The following ANO5 variants were observed in gnomAD, a reference collection of about 807,000 sequenced individuals.
The protein encoded by ANO5 is anoctamin 5.
In ANO5, 109 loss-of-function variants were observed where a neutral mutation model predicts 121.0. That is an observed-to-expected ratio of 0.90 (90% CI 0.77 to 1.06). The LOEUF is 1.06. Among genes scored for constraint, ANO5 ranks in the 50% least tolerant of loss-of-function variants. ANO5 has a pLI of 0.00. For synonymous variants in ANO5, 406 were observed against 359.9 expected (o/e 1.13, Z -1.45); for missense variants, 1,064 against 1,078.5 (o/e 0.99, Z 0.19).
chr11:22,250,750 CT>C lies in ANO5; in HGVS notation c.1024del (p.Cys342ValfsTer9). 2 of 1,613,992 alleles carry C rather than the reference CT, an allele frequency of 1.2e-6. No individual in the cohort carries two copies. The highest frequency in any genetic ancestry group is 1.7e-6 in the Non-Finnish European group (2 of 1,179,894). On this transcript the variant is annotated frameshift_variant, in exon 11 of 22. Transcript: ENST00000324559. LOFTEE classifies it high-confidence loss of function. ...MEHNTSSTEI[C>X]DPEIGGQMIM... ...GCTGTTCCTCTTGCAGCACTGAAAT[CT>C]GTGACCCTGAGATTGGTGGTCAGAT...
chr11:22,195,503 A>G (rs1851782495), intron 1 of ANO5, among the ~76,000 whole-genome samples: 1 of 151,910 alleles, frequency 6.6e-6, no homozygotes, highest in Non-Finnish European at 1.5e-5. Context: ...ATCTCTGCTT[A>G]CTGAAACCTC....
At chr11:22,277,311 T>C (rs1246036564) in intron 21 of ANO5, among the ~76,000 whole-genome samples, 1 of 151,618 alleles carries the variant, frequency 6.6e-6, no homozygotes, top group Non-Finnish European at 1.5e-5. Context: ...ATTTTGATAA[T>C]TTATTTAGCA....
At chr11:22,260,087 G>A (rs948148356) in intron 15 of ANO5, among the ~76,000 whole-genome samples, 1 of 152,006 alleles carries the variant, frequency 6.6e-6, no homozygotes, top group African/African-American at 2.4e-5. Flanking sequence ...TCATGTGTAT[G>A]GTTCTTATAA....
intron 3 of ANO5, 92 bp from the exon 4 acceptor site, chr11:22,218,154 A>G (rs530993918): frequency 3.4e-6 from 3 of 882,952 alleles, no homozygotes; most frequent in East Asian, 3.0e-5. Context: ...TAAAATGATC[A>G]TACCAAGGGT....
At chr11:22,202,245 G>GATTGGTTTGA (rs1851987993) in intron 1 of ANO5, among the ~76,000 whole-genome samples, 2 of 152,142 alleles carry the variant, frequency 1.3e-5, no homozygotes, top group South Asian at 4.1e-4. Flanking sequence ...TTTAACCAAT[G>GATTGGTTTGA]TACAGATCAA....
At chr11:22,272,416 G>A (rs1854654782) in intron 18 of ANO5, among the ~76,000 whole-genome samples, 2 of 151,424 alleles carry the variant, frequency 1.3e-5, no homozygotes, top group Non-Finnish European at 1.5e-5. Context: ...GGGCTAGCAA[G>A]ATAGAAAAAC....
intron 20 of ANO5, among the ~76,000 whole-genome samples, chr11:22,275,716 C>T (rs1037574579): frequency 6.6e-6 from 1 of 151,656 alleles, no homozygotes; most frequent in Non-Finnish European, 1.5e-5. Context: ...TTTTGAAAGT[C>T]AAATCAAAGG....
chr11:22,262,374 G>A, intron 16 of ANO5, 76 bp downstream of exon 16: 2 of 1,494,810 alleles, frequency 1.3e-6, no homozygotes, highest in South Asian at 1.2e-5. Flanking sequence ...GTCAAGCACT[G>A]ATTCACATGC....
chr11:22,259,793 C>T lies in ANO5; in HGVS notation c.1630+52C>T, dbSNP rs551892951. On this transcript the variant is annotated intron_variant, in intron 15 of 21. Coordinates refer to ENST00000324559, the MANE Select transcript of ANO5 (RefSeq NM_213599.3). ...TTCTGAAGAATGATTCTTATTGATG[C>T]TATATGTCTATTTTGGATCAGGTCT... 64 of 1,512,772 alleles carry T rather than the reference C, an allele frequency of 4.2e-5. 2 individuals are homozygous for T. The South Asian group carries it at 7.1e-4, about 17-fold the overall frequency. 93.7% of individuals were successfully genotyped at this position (1,512,772 alleles called of 1,614,324 possible).
intron 3 of ANO5, among the ~76,000 whole-genome samples, chr11:22,212,744 T>C (rs1852320707): frequency 6.6e-6 from 1 of 151,850 alleles, no homozygotes; most frequent in Non-Finnish European, 1.5e-5. Context: ...CATCTTTTTC[T>C]ACATTGAGTG....
In ANO5 at chr11:22,272,966, G is replaced by A; in HGVS notation, c.2212G>A (p.Ala738Thr). Residue 738 changes from alanine (A) to threonine (T), a missense_variant, in exon 19 of 22, where the codon GCT becomes ACT. Coordinates refer to ENST00000324559, the MANE Select transcript of ANO5 (RefSeq NM_213599.3). The stretch of plus-strand genomic sequence containing the variant: ...TTGGCAAGACATTCTTTATGGAATG[G>A]CTGTCCTTTCTGTTGCAACTAATGT... ...GVWQDILYGM[A>T]VLSVATNAFI... 6.2e-7 allele frequency: 1 copy of A among 1,614,010 alleles called. No individual in the cohort carries two copies. The highest frequency in any genetic ancestry group is 8.5e-7 in the Non-Finnish European group (1 of 1,180,000).
chr11:22,270,528 T>G (rs1564949555), intron 18 of ANO5, 86 bp downstream of exon 18: 2 of 1,571,228 alleles, frequency 1.3e-6, no homozygotes, highest in Non-Finnish European at 1.7e-6. Flanking sequence ...GCCTTGCACA[T>G]GGTAGGTGTT....
intron 9 of ANO5, among the ~76,000 whole-genome samples, chr11:22,244,871 T>G (rs978038687): frequency 3.9e-5 from 6 of 152,162 alleles, no homozygotes; most frequent in Non-Finnish European, 8.8e-5. Flanking sequence ...TGTATGTCTG[T>G]CATTTCTGTT....
In ANO5 at chr11:22,273,008, G is replaced by T. The variant is rs748552936; in HGVS notation, c.2235+19G>T. 6.2e-7 allele frequency: 1 copy of T among 1,607,878 alleles called. No individual in the cohort carries two copies. The highest frequency in any genetic ancestry group is 8.5e-7 in the Non-Finnish European group (1 of 1,174,526). On this transcript the variant is annotated intron_variant, in intron 19 of 21. Transcript: ENST00000324559. ...AACTAATGTAAGTGGACCTATTTCG[G>T]TGGGGTGACTTTGTATTTCATTTTG...
At chr11:22,226,797 A>G (rs931666321) in intron 6 of ANO5, among the ~76,000 whole-genome samples, 1 of 152,100 alleles carries the variant, frequency 6.6e-6, no homozygotes, top group Non-Finnish European at 1.5e-5. Flanking sequence ...CACAATCCAT[A>G]ATTTCTCCTA....
At chr11:22,245,460 A>G (rs1185902260) in intron 9 of ANO5, among the ~76,000 whole-genome samples, 2 of 149,266 alleles carry the variant, frequency 1.3e-5, no homozygotes, top group Non-Finnish European at 3.0e-5. Context: ...ATATCTTTCC[A>G]CTCTTCTCTA....
rs1855112026 is a variant in ANO5, at chr11:22,282,316, GCA to G, written c.*2556_*2557del. Reference sequence around the variant, plus strand: ...TCCTTGCCTTCGTCAACTTTCCTTTGCACACAGGAAGCAAAATCTACTTCAAG... The same window carrying G: ...TCCTTGCCTTCGTCAACTTTCCTTTGCACAGGAAGCAAAATCTACTTCAAG... On this transcript the variant is annotated 3_prime_UTR_variant, in exon 22 of 22. Coordinates refer to ENST00000324559, the MANE Select transcript of ANO5 (RefSeq NM_213599.3). 6.6e-6 allele frequency: 1 copy of G among 152,080 alleles called. No homozygotes were observed. Among genetic ancestry groups the G allele is most frequent in the Non-Finnish European group, 1.5e-5 (1 of 68,000 alleles). The allele number at this position is 152,080 out of a possible 1,614,324, so 9.4% of individuals were successfully genotyped here.
intron 17 of ANO5, among the ~76,000 whole-genome samples, chr11:22,263,677 G>C (rs1418861736): frequency 1.3e-5 from 2 of 152,158 alleles, no homozygotes; most frequent in Non-Finnish European, 2.9e-5. Flanking sequence ...AAAATCGTAA[G>C]TCTACGATCC....
intron 16 of ANO5, 136 bp downstream of exon 16, chr11:22,262,434 T>C: frequency 2.2e-6 from 2 of 906,606 alleles, no homozygotes; most frequent in Non-Finnish European, 3.3e-6. Flanking sequence ...ACAGAGAGTA[T>C]TGTTCACAGA....
Sources: allele counts gnomAD v4.1 joint callset (sites outside exome capture counted in the v4.1 genomes callset), GRCh38; gene constraint gnomAD v4.1.1; transcripts MANE v1.5; gene names NCBI Gene and HGNC (gene_info 2026-07-23, HGNC 2026-07-21).